Variants in DPH6 observed in about 807,000 individuals in gnomAD.
DPH6 encodes the protein diphthine--ammonia ligase.
A neutral mutation model predicts 38.2 loss-of-function variants in DPH6; 33 were observed. The ratio of observed to expected loss-of-function variants is 0.86; its 90% CI spans 0.65 to 1.15. The LOEUF is 1.15. Ranked by LOEUF, DPH6 falls within the 50% of genes most tolerant of loss-of-function variation. The pLI, the probability that DPH6 is intolerant of heterozygous loss-of-function variation, is 0.00. For synonymous variants in DPH6, 108 were observed against 103.0 expected (o/e 1.05, Z -0.30); for missense variants, 325 against 320.0 (o/e 1.02, Z -0.12).
intron 3 of DPH6, among the ~76,000 whole-genome samples, chr15:35,230,143 C>T (rs187808588): frequency 1.3e-4 from 20 of 152,254 alleles, no homozygotes; most frequent in African/African-American, 3.6e-4. Context: ...GGTCCAGAGG[C>T]GTCATCTGGG....
rs1353792195 is a variant in DPH6, at chr15:35,520,220, C to CAAAAAAAAAAAAAA, written c.312+18053_312+18054insTTTTTTTTTTTTTT. 1.6e-4 allele frequency: 70 copies of CAAAAAAAAAAAAAA among 444,978 alleles called. No homozygotes were observed. In the Admixed American group the frequency reaches 2.3e-3, roughly 15 times the overall value. 27.6% of individuals were successfully genotyped at this position (444,978 alleles called of 1,614,324 possible). ...CTCTCACGTGAAAGTAAACATGCTA[C>CAAAAAAAAAAAAAA]AAAAAAAAACAAAAAAAAAACAAAA... On this transcript the variant is annotated intron_variant, in intron 3 of 8. Transcript: ENST00000256538.
chr15:35,158,203 T>C, the DPH6 span, among the ~76,000 whole-genome samples: 1 of 104,526 alleles, frequency 9.6e-6, no homozygotes, highest in African/African-American at 3.0e-5. Context: ...CTCAAGGAAG[T>C]GGAAGGGCAG....
intron 3 of DPH6, among the ~76,000 whole-genome samples, chr15:35,530,579 T>C (rs190318236): frequency 6.6e-6 from 1 of 152,266 alleles, no homozygotes; most frequent in Non-Finnish European, 1.5e-5. Context: ...ATGTGCAATA[T>C]ATACACACAA....
At chr15:35,472,033 C>T (rs1437769460) in intron 3 of DPH6, among the ~76,000 whole-genome samples, 1 of 152,072 alleles carries the variant, frequency 6.6e-6, no homozygotes, top group Non-Finnish European at 1.5e-5. Context: ...GTGCTACAAT[C>T]GTGCCCGTGA....
At chr15:35,507,906 T>C (rs2054716775) in intron 3 of DPH6, among the ~76,000 whole-genome samples, 1 of 152,100 alleles carries the variant, frequency 6.6e-6, no homozygotes, top group Non-Finnish European at 1.5e-5. Context: ...TATATACATA[T>C]ACATGTATAT....
intron 3 of DPH6, among the ~76,000 whole-genome samples, chr15:35,232,784 T>G (rs2051527193): frequency 6.6e-6 from 1 of 152,218 alleles, no homozygotes; most frequent in Non-Finnish European, 1.5e-5. Context: ...TATAACATTT[T>G]CACAGGCAGC....
At chr15:35,536,626 A>T (rs2055174005) in intron 3 of DPH6, among the ~76,000 whole-genome samples, 1 of 152,028 alleles carries the variant, frequency 6.6e-6, no homozygotes, top group South Asian at 2.1e-4. Context: ...GAGGGCTGTT[A>T]TTATCATGGA....
chr15:35,223,676 A>C (rs1259356801), intron 3 of DPH6, among the ~76,000 whole-genome samples: 1 of 151,378 alleles, frequency 6.6e-6, no homozygotes, highest in East Asian at 1.9e-4. Context: ...ACAGAGCAAA[A>C]CTCCGTCTCA....
intron 6 of DPH6, among the ~76,000 whole-genome samples, chr15:35,384,637 T>G: frequency 6.6e-6 from 1 of 151,710 alleles, no homozygotes; most frequent in South Asian, 2.1e-4. Context: ...CACTCCAGCC[T>G]GAGGGTCAAG....
chr15:35,172,795 G>A, the DPH6 span, among the ~76,000 whole-genome samples: 1 of 151,992 alleles, frequency 6.6e-6, no homozygotes, highest in South Asian at 2.1e-4. Context: ...GGGCTCAAGC[G>A]ATCCTCCTGC....
At chr15:35,364,989 A>G (rs970772483) in intron 3 of DPH6, among the ~76,000 whole-genome samples, 3 of 151,948 alleles carry the variant, frequency 2.0e-5, no homozygotes, top group Admixed American at 6.6e-5. Flanking sequence ...TTCATTCTGA[A>G]TATTTTCTTC....
chr15:35,158,221 G>GA, the DPH6 span, among the ~76,000 whole-genome samples: 12 of 151,368 alleles, frequency 7.9e-5, no homozygotes, highest in Non-Finnish European at 1.5e-4. Flanking sequence ...CAGAAATGAG[G>GA]GGAAAAAAGT....
At chr15:35,514,400 G>A (rs182925634) in intron 3 of DPH6, among the ~76,000 whole-genome samples, 9 of 152,104 alleles carry the variant, frequency 5.9e-5, no homozygotes, top group Admixed American at 1.3e-4. Flanking sequence ...TAAAATTTAC[G>A]GAATGTTACC....
At chr15:35,150,828 G>T in the DPH6 span, among the ~76,000 whole-genome samples, 2 of 152,182 alleles carry the variant, frequency 1.3e-5, no homozygotes, top group South Asian at 4.1e-4. Context: ...GATATTAAAA[G>T]ATGATGATGC....
At chr15:35,253,755 C>CCA (rs2051689971) in intron 3 of DPH6, among the ~76,000 whole-genome samples, 1 of 152,182 alleles carries the variant, frequency 6.6e-6, no homozygotes, top group Non-Finnish European at 1.5e-5. Flanking sequence ...TTGAAACTAT[C>CCA]TGATCAATCC....
chr15:35,427,234 T>G (rs1408393260), intron 5 of DPH6, among the ~76,000 whole-genome samples: 1 of 151,838 alleles, frequency 6.6e-6, no homozygotes, highest in East Asian at 1.9e-4. Flanking sequence ...GGGCACTTTC[T>G]GAGAAAAACA....
At chr15:35,373,486 C>T in intron 8 of DPH6, 35 bp downstream of exon 8, 1 of 1,561,358 alleles carries the variant, frequency 6.4e-7, no homozygotes, top group Non-Finnish European at 8.7e-7. Flanking sequence ...TCTCAAATTT[C>T]TATTGAAATC....
intron 3 of DPH6, among the ~76,000 whole-genome samples, chr15:35,261,843 A>AT (rs1357757186): frequency 1.3e-5 from 2 of 151,844 alleles, no homozygotes; most frequent in Non-Finnish European, 2.9e-5. Flanking sequence ...AAAAAAAAAA[A>AT]AATGAAACTC....
At chr15:35,231,739 C>G (rs951409414) in intron 3 of DPH6, among the ~76,000 whole-genome samples, 2 of 152,122 alleles carry the variant, frequency 1.3e-5, no homozygotes, top group African/African-American at 4.8e-5. Flanking sequence ...AGCATCGGCT[C>G]GGCTTCTGGT....
Sources: allele counts gnomAD v4.1 joint callset (sites outside exome capture counted in the v4.1 genomes callset), GRCh38; gene constraint gnomAD v4.1.1; transcripts MANE v1.5; gene names NCBI Gene and HGNC (gene_info 2026-07-23, HGNC 2026-07-21).